PKHD1L1: variants seen among roughly 807,000 people sequenced by gnomAD.
PKHD1L1 encodes the protein fibrocystin-L.
Under a neutral mutation model 462.9 loss-of-function variants are expected in PKHD1L1, and 434 were observed. The ratio of observed to expected loss-of-function variants is 0.94; its 90% CI spans 0.87 to 1.02. The LOEUF is 1.02. PKHD1L1 is among the 50% of genes least tolerant of loss of function. PKHD1L1 has a pLI of 0.00. For synonymous variants in PKHD1L1, 1,781 were observed against 1,750.0 expected (o/e 1.02, Z -0.44); for missense variants, 5,202 against 5,096.1 (o/e 1.02, Z -0.63).
At chr8:109,387,572 C>T (rs1030849936) in intron 6 of PKHD1L1, among the ~76,000 whole-genome samples, 2 of 152,142 alleles carry the variant, frequency 1.3e-5, no homozygotes, top group South Asian at 4.2e-4. Flanking sequence ...ATCATAGGAA[C>T]CTATAAGTGT....
chr8:109,492,232 G>A (rs1022886778), intron 62 of PKHD1L1, among the ~76,000 whole-genome samples: 1 of 151,252 alleles, frequency 6.6e-6, no homozygotes, highest in African/African-American at 2.4e-5. Context: ...GCTGCTGCTC[G>A]ACTGAGTGCT....
intron 50 of PKHD1L1, among the ~76,000 whole-genome samples, chr8:109,468,913 T>C (rs1400519068): frequency 6.6e-6 from 1 of 152,206 alleles, no homozygotes; most frequent in Non-Finnish European, 1.5e-5. Flanking sequence ...AATTTCTACC[T>C]AGGTAATTTG....
chr8:109,394,306 T>G (rs1409831889), intron 9 of PKHD1L1, 109 bp from the exon 10 acceptor site: 1 of 598,236 alleles, frequency 1.7e-6, no homozygotes, highest in Non-Finnish European at 2.8e-6. Flanking sequence ...TCCCAAAAGT[T>G]CCATCGTGCT....
At position 109,511,794 on chromosome 8, in the gene PKHD1L1, A is replaced by G. The variant is rs959202472; in HGVS notation, c.11553+860A>G. On this transcript the variant is annotated intron_variant, in intron 71 of 77. Transcript: ENST00000378402. Reference sequence around the variant, plus strand: ...CACTGACTTCCACAGGGGTTGAACTAGTTTACAGTCCCACCAACAGTGTAA... The same window carrying G: ...CACTGACTTCCACAGGGGTTGAACTGGTTTACAGTCCCACCAACAGTGTAA... Among the ~76,000 whole-genome samples the G allele has an allele frequency of 1.1e-4, 17 of 152,290 alleles. No homozygotes were observed. In the East Asian group the frequency reaches 2.1e-3, roughly 19 times the overall value.
In PKHD1L1 at chr8:109,522,780, G is replaced by T. The variant is rs573232529; in HGVS notation, c.12220G>T (p.Val4074Phe). The change falls in exon 75 of 78, where the codon GTT (valine) becomes TTT (phenylalanine). Residue 4074 changes from valine (V) to phenylalanine (F), a missense_variant. By Grantham distance (50) the Val-to-Phe change is conservative. Coordinates refer to ENST00000378402, the MANE Select transcript of PKHD1L1 (RefSeq NM_177531.6). ...AQPVERSAFP[V>F]HHVAFVSSLL... ...GCCAGTTGAAAGGTCTGCATTTCCT[G>T]TTCATCACGTGGCCTTCGTGTCCTC... The T allele has an allele frequency of 2.5e-6, 4 of 1,611,902 alleles. No individual in the cohort carries two copies. In the Admixed American group the frequency reaches 5.1e-5, roughly 20 times the overall value.
chr8:109,398,447 G>T lies in PKHD1L1; in HGVS notation c.923-12G>T. On this transcript the variant is annotated splice_polypyrimidine_tract_variant and intron_variant, in intron 11 of 77. Transcript: ENST00000378402. ...TTCAGTAGTAACGGTTTTGTATCTT[G>T]CTTCTCTATAGGTGAACCTTGTGAT... 1 of 1,486,546 alleles carries T rather than the reference G, an allele frequency of 6.7e-7. No homozygotes were observed. Among genetic ancestry groups the T allele is most frequent in the Non-Finnish European group, 9.2e-7 (1 of 1,086,050 alleles). The allele number at this position is 1,486,546 out of a possible 1,614,324, so 92.1% of individuals were successfully genotyped here.
chr8:109,488,261 A>T (rs1818657114), intron 59 of PKHD1L1, among the ~76,000 whole-genome samples: 1 of 151,836 alleles, frequency 6.6e-6, no homozygotes, highest in Non-Finnish European at 1.5e-5. Flanking sequence ...GGTGACAGGG[A>T]GTTTTTATTG....
At chr8:109,424,548 T>C (rs567044320) in intron 23 of PKHD1L1, among the ~76,000 whole-genome samples, 54 of 152,296 alleles carry the variant, frequency 3.5e-4, no homozygotes, top group Non-Finnish European at 5.9e-4. Context: ...TTACAATCTA[T>C]GAATTTCTAC....
chr8:109,363,216 C>T (rs1586349487), intron 1 of PKHD1L1, among the ~76,000 whole-genome samples: 1 of 152,240 alleles, frequency 6.6e-6, no homozygotes, highest in East Asian at 1.9e-4. Context: ...GAGGATGAAC[C>T]TGAGATAGGC....
chr8:109,370,663 C>T (rs1170988384), intron 2 of PKHD1L1, among the ~76,000 whole-genome samples: 1 of 152,062 alleles, frequency 6.6e-6, no homozygotes, highest in Non-Finnish European at 1.5e-5. Context: ...ACCCCCTACC[C>T]CCAACCCACA....
intron 59 of PKHD1L1, among the ~76,000 whole-genome samples, chr8:109,487,896 G>GGAAA (rs1260713806): frequency 7.6e-6 from 1 of 131,704 alleles, no homozygotes; most frequent in Non-Finnish European, 1.7e-5. Context: ...GAGAGAGGAA[G>GGAAA]GAAGGAAGGA....
chr8:109,479,311 G>C (rs148717693), intron 53 of PKHD1L1, among the ~76,000 whole-genome samples: 1 of 151,970 alleles, frequency 6.6e-6, no homozygotes, highest in Admixed American at 6.6e-5. Context: ...GTGCATCCTC[G>C]TCAACTCAGA....
At position 109,464,715 on chromosome 8, in the gene PKHD1L1, A is replaced by T. The variant is rs1322851846; in HGVS notation, c.7883A>T (p.Glu2628Val). ...SQGWFGMWIF[E>V]EYFPMQTGSC... ...GGTTGGTTTGGAATGTGGATCTTTG[A>T]GGAATATTTCCCCATGCAAACGGGA... Residue 2628 changes from glutamate (E) to valine (V), a missense_variant, in exon 49 of 78, where the codon GAG (glutamate) becomes GTG (valine). Glu to Val is a moderately radical substitution (Grantham distance 121). Around this residue, in one of 3 missense-constraint regions of PKHD1L1, gnomAD observed 4,497 missense variants for 4,336.8 expected, o/e 1.04. Coordinates refer to ENST00000378402, the MANE Select transcript of PKHD1L1 (RefSeq NM_177531.6). 6.2e-7 allele frequency: 1 copy of T among 1,613,696 alleles called. No individual in the cohort carries two copies. The highest frequency in any genetic ancestry group is 8.5e-7 in the Non-Finnish European group (1 of 1,179,806).
chr8:109,515,160 T>C lies in PKHD1L1; in HGVS notation c.11554-10T>C. The C allele has an allele frequency of 6.5e-7, 1 of 1,542,374 alleles. No homozygotes were observed. Among genetic ancestry groups the C allele is most frequent in the Non-Finnish European group, 8.7e-7 (1 of 1,145,116 alleles). ...TTGTTGCTTTCTTAAAACTTTTTTT[T>C]CTTTAATAGGCTGTTCTAGTAGGAA... On this transcript the variant is annotated splice_polypyrimidine_tract_variant and intron_variant, in intron 71 of 77. Transcript: ENST00000378402.
At chr8:109,407,260 G>T (rs935323428) in intron 17 of PKHD1L1, among the ~76,000 whole-genome samples, 1 of 152,084 alleles carries the variant, frequency 6.6e-6, no homozygotes, top group African/African-American at 2.4e-5. Flanking sequence ...TTGAGTGGAG[G>T]ATAAAGAATT....
At position 109,491,120 on chromosome 8, in the gene PKHD1L1, G is replaced by C; in HGVS notation, c.10114+19G>C. On this transcript the variant is annotated intron_variant, in intron 61 of 77. Transcript: ENST00000378402. Reference sequence around the variant, plus strand: ...GGGGAAGGTAATATAATAATATTTTGGTTCAAATTACACATCCTGTGGAGG... The same window carrying C: ...GGGGAAGGTAATATAATAATATTTTCGTTCAAATTACACATCCTGTGGAGG... The C allele has an allele frequency of 6.3e-7, 1 of 1,596,480 alleles. No individual in the cohort carries two copies. Among genetic ancestry groups the C allele is most frequent in the East Asian group, 2.3e-5 (1 of 44,416 alleles).
At position 109,514,725 on chromosome 8, in the gene PKHD1L1, T is replaced by C. The variant is rs904910525; in HGVS notation, c.11554-445T>C. Among the ~76,000 whole-genome samples the C allele has an allele frequency of 2.6e-5, 4 of 152,232 alleles. No homozygotes were observed. In the East Asian group the frequency reaches 5.8e-4, roughly 22 times the overall value. On this transcript the variant is annotated intron_variant, in intron 71 of 77. Transcript: ENST00000378402. Reference sequence around the variant, plus strand: ...ATGAATAAAATTGAATCAGAGAGGATAGTTATTTTGACATTTATTAGTCTT... The same window carrying C: ...ATGAATAAAATTGAATCAGAGAGGACAGTTATTTTGACATTTATTAGTCTT...
Position 109,444,659 on chromosome 8 carries a change from A to G in PKHD1L1, c.4792-2A>G. Reference sequence around the variant, plus strand: ...TTTATTTTGTATTCATTTTACTTACAGGTTACAATTGGTAGCTACCCCTGT... The same window carrying G: ...TTTATTTTGTATTCATTTTACTTACGGGTTACAATTGGTAGCTACCCCTGT... On this transcript the variant is annotated splice_acceptor_variant, in intron 37 of 77. Coordinates refer to ENST00000378402, the MANE Select transcript of PKHD1L1 (RefSeq NM_177531.6). LOFTEE classifies it high-confidence loss of function. 6.2e-7 allele frequency: 1 copy of G among 1,605,008 alleles called. No individual in the cohort carries two copies. The highest frequency in any genetic ancestry group is 8.5e-7 in the Non-Finnish European group (1 of 1,173,776).
At chr8:109,431,063 G>A (rs1008205794) in intron 27 of PKHD1L1, among the ~76,000 whole-genome samples, 4 of 151,362 alleles carry the variant, frequency 2.6e-5, no homozygotes, top group Non-Finnish European at 4.4e-5. Context: ...CGCCTCCCAG[G>A]TTCAAGCGAT....
Sources: allele counts gnomAD v4.1 joint callset (sites outside exome capture counted in the v4.1 genomes callset), GRCh38; gene constraint gnomAD v4.1.1; regional missense constraint gnomAD v4.1.1; transcripts MANE v1.5; gene names NCBI Gene and HGNC (gene_info 2026-07-23, HGNC 2026-07-21).